Variants in BTBD7 observed in about 807,000 individuals in gnomAD.
The protein encoded by BTBD7 is BTB domain containing 7, also known as BTB/POZ domain-containing protein 7.
A neutral mutation model predicts 99.9 loss-of-function variants in BTBD7; 38 were observed. The ratio of observed to expected loss-of-function variants is 0.38; its 90% CI spans 0.29 to 0.50. The LOEUF (loss-of-function observed/expected upper bound fraction) is 0.50, where lower values mean the gene tolerates loss of function less well. Among genes scored for constraint, BTBD7 ranks in the 20% least tolerant of loss-of-function variants. The pLI is 0.93. For synonymous variants in BTBD7, 520 were observed against 511.4 expected (o/e 1.02, Z -0.23); for missense variants, 1,170 against 1,394.6 (o/e 0.84, Z 2.57).
intron 5 of BTBD7, among the ~76,000 whole-genome samples, chr14:93,260,875 T>A (rs2052481347): frequency 6.6e-6 from 1 of 152,076 alleles, no homozygotes; most frequent in African/African-American, 2.4e-5. Flanking sequence ...CATTTAAAAA[T>A]AAACAATGAA....
chr14:93,264,207 A>G (rs1450906146), intron 3 of BTBD7, among the ~76,000 whole-genome samples: 3 of 152,236 alleles, frequency 2.0e-5, no homozygotes, highest in East Asian at 1.9e-4. Context: ...ATGGATCTAC[A>G]GAAAAAGGCA....
At chr14:93,309,643 C>G (rs971384237) in intron 1 of BTBD7, among the ~76,000 whole-genome samples, 10 of 152,018 alleles carry the variant, frequency 6.6e-5, no homozygotes, top group African/African-American at 2.2e-4. Flanking sequence ...TCTCCAGTTT[C>G]TACTTTATCA....
intron 4 of BTBD7, 138 bp from the exon 5 acceptor site, chr14:93,261,815 A>T (rs904903988): frequency 1.5e-6 from 1 of 648,274 alleles, no homozygotes; most frequent in Non-Finnish European, 2.7e-6. Flanking sequence ...TTGAAGTTTT[A>T]GTGTTAAATC....
intron 1 of BTBD7, among the ~76,000 whole-genome samples, chr14:93,320,874 T>A (rs1394836527): frequency 6.6e-6 from 1 of 152,200 alleles, no homozygotes; most frequent in East Asian, 1.9e-4. Context: ...GTCCATCTAC[T>A]AGTATAATTT....
intron 10 of BTBD7, among the ~76,000 whole-genome samples, chr14:93,245,224 A>G (rs890522017): frequency 6.6e-6 from 1 of 152,134 alleles, no homozygotes; most frequent in African/African-American, 2.4e-5. Context: ...TGCAAAATCA[A>G]GCAAAGAATC....
intron 2 of BTBD7, among the ~76,000 whole-genome samples, chr14:93,295,470 C>A (rs748053301): frequency 2.6e-5 from 4 of 151,968 alleles, no homozygotes; most frequent in Non-Finnish European, 5.9e-5. Flanking sequence ...ACAAACAGAG[C>A]AAATTAGTCT....
At chr14:93,317,561 C>T (rs1024655288) in intron 1 of BTBD7, among the ~76,000 whole-genome samples, 4 of 152,066 alleles carry the variant, frequency 2.6e-5, no homozygotes, top group African/African-American at 4.8e-5. Flanking sequence ...AAGAACATAA[C>T]ATAAAGTGAT....
intron 8 of BTBD7, among the ~76,000 whole-genome samples, chr14:93,250,940 A>C (rs918268494): frequency 6.6e-6 from 1 of 152,044 alleles, no homozygotes; most frequent in African/African-American, 2.4e-5. Context: ...AGTGCATTTG[A>C]CCCTCCCAAA....
At chr14:93,289,883 TCTCA>T (rs2052827073) in intron 3 of BTBD7, among the ~76,000 whole-genome samples, 1 of 131,378 alleles carries the variant, frequency 7.6e-6, no homozygotes, top group African/African-American at 2.9e-5. Flanking sequence ...GGAGACAGAG[TCTCA>T]CTCAGTTGCC....
intron 1 of BTBD7, among the ~76,000 whole-genome samples, chr14:93,305,017 G>C (rs1177817969): frequency 6.6e-6 from 1 of 152,166 alleles, no homozygotes; most frequent in African/African-American, 2.4e-5. Context: ...CAAACTGTTA[G>C]ATCATTAAAG....
intron 9 of BTBD7, 61 bp downstream of exon 9, chr14:93,248,415 C>A (rs2052337151): frequency 3.2e-5 from 50 of 1,559,974 alleles, no homozygotes; most frequent in Non-Finnish European, 4.2e-5. Context: ...AGGATGCCCA[C>A]AATACTGCCT....
At chr14:93,331,876 G>C (rs2053422432) in intron 1 of BTBD7, among the ~76,000 whole-genome samples, 1 of 120,856 alleles carries the variant, frequency 8.3e-6, no homozygotes, top group African/African-American at 4.1e-5. Flanking sequence ...GCGAGACTCC[G>C]TCTCCCCCCC....
chr14:93,329,459 A>G (rs2053373350), intron 1 of BTBD7, among the ~76,000 whole-genome samples: 2 of 152,354 alleles, frequency 1.3e-5, no homozygotes, highest in East Asian at 3.9e-4. Context: ...TATAAAATTC[A>G]TAAAATAAAT....
intron 3 of BTBD7, among the ~76,000 whole-genome samples, chr14:93,282,939 T>C (rs1350759909): frequency 6.6e-6 from 1 of 152,258 alleles, no homozygotes; most frequent in African/African-American, 2.4e-5. Context: ...CATATCTCAG[T>C]AATTCAAGAC....
chr14:93,257,367 A>C lies in BTBD7; in HGVS notation c.1448-12T>G. On this transcript the variant is annotated splice_polypyrimidine_tract_variant and intron_variant, in intron 5 of 10. Coordinates refer to ENST00000334746, the MANE Select transcript of BTBD7 (RefSeq NM_001002860.4). Reference sequence around the variant, plus strand: ...CAGTAAGTTTGGCTCTATGAGACAGAAAATGAAAAGTTTCCAACCAAATCC... The same window carrying C: ...CAGTAAGTTTGGCTCTATGAGACAGCAAATGAAAAGTTTCCAACCAAATCC... 6.3e-7 allele frequency: 1 copy of C among 1,585,426 alleles called. No individual in the cohort carries two copies. Among genetic ancestry groups the C allele is most frequent in the Non-Finnish European group, 8.6e-7 (1 of 1,169,362 alleles).
chr14:93,274,058 C>A (rs1467285980), intron 3 of BTBD7, among the ~76,000 whole-genome samples: 4 of 150,954 alleles, frequency 2.6e-5, no homozygotes, highest in African/African-American at 9.9e-5. Flanking sequence ...AATAAAGAAA[C>A]TAAGAGCTCA....
In BTBD7 at chr14:93,240,914, G is replaced by A. The variant is rs2052218367; in HGVS notation, c.*1359C>T. 2 of 152,552 alleles carry A rather than the reference G, an allele frequency of 1.3e-5. No individual in the cohort carries two copies. The highest frequency in any genetic ancestry group is 4.8e-5 in the African/African-American group (2 of 41,416). 9.4% of individuals were successfully genotyped at this position (152,552 alleles called of 1,614,324 possible). Reference sequence around the variant, plus strand: ...TTTTCTGTTGGTGAGAAAGCATTATGCATTACACAACACCAAAATTTAGAC... The same window carrying A: ...TTTTCTGTTGGTGAGAAAGCATTATACATTACACAACACCAAAATTTAGAC... On this transcript the variant is annotated 3_prime_UTR_variant, in exon 11 of 11. Coordinates refer to ENST00000334746, the MANE Select transcript of BTBD7 (RefSeq NM_001002860.4).
rs1055837162 is a variant in BTBD7 at position 93,242,781 on chromosome 14, G to C, written c.2891C>G (p.Thr964Ser). 2 of 1,614,078 alleles carry C rather than the reference G, an allele frequency of 1.2e-6. No individual in the cohort carries two copies. The highest frequency in any genetic ancestry group is 2.7e-5 in the African/African-American group (2 of 74,914). Residue 964 changes from threonine (T) to serine (S), a missense_variant, in exon 11 of 11, where the codon ACC becomes AGC. Thr to Ser is a moderately conservative substitution (Grantham distance 58). This residue lies in a region of BTBD7 where 495 missense variants were observed against 525.9 expected (regional missense o/e 0.94). Transcript: ENST00000334746. ...ATATCCACCTTGCGAAGGGGAAGGG[G>C]TGCGTCTGCTGAGAGCAGGAGTAGA... ...RPSTPALSRR[T>S]PSPSQGGYFG...
At position 93,257,335 on chromosome 14, in the gene BTBD7, T is replaced by C. The variant is rs777035773; in HGVS notation, c.1468A>G (p.Thr490Ala). The change falls in exon 6 of 11, where the codon ACT (threonine) becomes GCT (alanine). Residue 490 changes from threonine to alanine, a missense_variant. Transcript: ENST00000334746. ...CCTCTTTTGTTCACACTATGGGCAG[T>C]GCCACTCAGTAAGTTTGGCTCTATG... is the stretch of plus-strand genomic sequence containing the variant. ...ADREPNLLSG[T>A]AHSVNKRGVK... 1.2e-6 allele frequency: 2 copies of C among 1,607,444 alleles called. No individual in the cohort carries two copies. Among genetic ancestry groups the C allele is most frequent in the Non-Finnish European group, 1.7e-6 (2 of 1,178,026 alleles).
Sources: gnomAD v4.1 joint callset for allele counts (sites outside exome capture counted in the v4.1 genomes callset) on GRCh38, gnomAD v4.1.1 for gene constraint, gnomAD v4.1.1 regional missense constraint, MANE v1.5 for transcripts, NCBI Gene and HGNC (gene_info 2026-07-23, HGNC 2026-07-21) for gene names.